The following FNIP1 variants were observed in gnomAD, a reference collection of about 807,000 sequenced individuals.
FNIP1 encodes the protein folliculin interacting protein 1.
In FNIP1, 40 loss-of-function variants were observed where a neutral mutation model predicts 124.5. That is an observed-to-expected ratio of 0.32 (90% CI 0.25 to 0.42). The LOEUF (loss-of-function observed/expected upper bound fraction) is 0.42. Among genes scored for constraint, FNIP1 ranks in the 10% least tolerant of loss-of-function variants. The probability of loss-of-function intolerance (pLI) is 1.00; values close to 1 mark genes in which losing one functional copy is unlikely to be tolerated. For synonymous variants in FNIP1, 472 were observed against 470.6 expected (o/e 1.00, Z -0.04); for missense variants, 1,176 against 1,403.7 (o/e 0.84, Z 2.59).
intron 10 of FNIP1, among the ~76,000 whole-genome samples, chr5:131,702,809 T>C (rs1379257160): frequency 6.6e-6 from 1 of 152,224 alleles, no homozygotes; most frequent in Non-Finnish European, 1.5e-5. Flanking sequence ...GTACTTGGCT[T>C]TCCCCAAAAG....
At chr5:131,699,454 C>A (rs910653394) in intron 10 of FNIP1, among the ~76,000 whole-genome samples, 2 of 146,374 alleles carry the variant, frequency 1.4e-5, no homozygotes, top group Non-Finnish European at 3.0e-5. Context: ...AGTGCAATGG[C>A]GCGATCTCGG....
chr5:131,661,795 G>T (rs1051039561), intron 15 of FNIP1, among the ~76,000 whole-genome samples: 1 of 152,224 alleles, frequency 6.6e-6, no homozygotes, highest in Non-Finnish European at 1.5e-5. Flanking sequence ...TTTCTTACCA[G>T]TGAGGCTTCT....
chr5:131,774,028 T>C (rs1305040541), intron 1 of FNIP1, among the ~76,000 whole-genome samples: 2 of 152,190 alleles, frequency 1.3e-5, no homozygotes, highest in Admixed American at 1.3e-4. Flanking sequence ...AGTCAATTGT[T>C]TAATTCCTTT....
intron 15 of FNIP1, among the ~76,000 whole-genome samples, chr5:131,655,171 A>G (rs577483077): frequency 2.6e-4 from 40 of 152,192 alleles, no homozygotes; most frequent in Non-Finnish European, 5.0e-4. Flanking sequence ...TAGCCTAGAA[A>G]TACGGAAAAT....
chr5:131,650,625 T>C (rs761424582), intron 16 of FNIP1, among the ~76,000 whole-genome samples: 1 of 152,210 alleles, frequency 6.6e-6, no homozygotes, highest in Non-Finnish European at 1.5e-5. Flanking sequence ...TCTTGCCTGA[T>C]TGCTCTGGCT....
chr5:131,735,043 A>G (rs1007537455), intron 2 of FNIP1, among the ~76,000 whole-genome samples: 6 of 152,228 alleles, frequency 3.9e-5, no homozygotes, highest in Non-Finnish European at 8.8e-5. Context: ...ACAATAGCAA[A>G]GACTTGGAAC....
chr5:131,772,523 C>T (rs998753708), intron 1 of FNIP1, among the ~76,000 whole-genome samples: 2 of 151,936 alleles, frequency 1.3e-5, no homozygotes, highest in Admixed American at 1.3e-4. Context: ...AAACTGTTAC[C>T]TGAATCTCAG....
rs1766785947 is a variant in FNIP1, at chr5:131,643,761, C to CT, written c.*923dup. On this transcript the variant is annotated 3_prime_UTR_variant, in exon 18 of 18. Coordinates refer to ENST00000510461, the MANE Select transcript of FNIP1 (RefSeq NM_133372.3). ...GAGGGTTGATACCAAAAGCAAGGGC[C>CT]TTGGCTACCTGAGCACTTTTAAAGA... 6.6e-6 allele frequency: 1 copy of CT among 152,596 alleles called. No individual in the cohort carries two copies. Among genetic ancestry groups the CT allele is most frequent in the African/African-American group, 2.4e-5 (1 of 41,414 alleles). 9.5% of individuals were successfully genotyped at this position (152,596 alleles called of 1,614,324 possible). A position where few individuals can be genotyped will look rare whatever the true frequency, so the allele number is the denominator to read the frequency against.
At chr5:131,741,982 A>T (rs1359825402) in intron 2 of FNIP1, among the ~76,000 whole-genome samples, 1 of 152,248 alleles carries the variant, frequency 6.6e-6, no homozygotes, top group Non-Finnish European at 1.5e-5. Context: ...ATTCAAGTCC[A>T]GCCTGGGCAA....
At chr5:131,782,777 A>G (rs1446703717) in intron 1 of FNIP1, among the ~76,000 whole-genome samples, 1 of 152,220 alleles carries the variant, frequency 6.6e-6, no homozygotes, top group Non-Finnish European at 1.5e-5. Context: ...CAACACTTCA[A>G]TGAAGGAAGT....
intron 2 of FNIP1, among the ~76,000 whole-genome samples, chr5:131,739,594 A>C (rs1770439293): frequency 6.6e-6 from 1 of 152,078 alleles, no homozygotes; most frequent in African/African-American, 2.4e-5. Context: ...TGGGTGGATC[A>C]CGAGGTCAGG....
intron 17 of FNIP1, 81 bp downstream of exon 17, chr5:131,647,009 A>C: frequency 8.0e-7 from 1 of 1,249,088 alleles, no homozygotes; most frequent in Non-Finnish European, 1.2e-6. Flanking sequence ...ACGTAAAAGG[A>C]AAAAGGGCAA....
chr5:131,751,875 T>C (rs547133295), intron 1 of FNIP1, among the ~76,000 whole-genome samples: 7 of 152,310 alleles, frequency 4.6e-5, no homozygotes, highest in African/African-American at 1.4e-4. Flanking sequence ...AATTAGACAG[T>C]GGTGATGGTC....
chr5:131,725,635 T>A (rs1769834494), intron 3 of FNIP1, among the ~76,000 whole-genome samples: 1 of 152,264 alleles, frequency 6.6e-6, no homozygotes, highest in Non-Finnish European at 1.5e-5. Context: ...AATCATGTCA[T>A]CTGCAAACAG....
rs1405605575 is a variant in FNIP1, at chr5:131,785,166, CT to C, written c.92+11663del. Among the ~76,000 whole-genome samples, 42 of 83,930 alleles carry C rather than the reference CT, an allele frequency of 5.0e-4. 1 individual carries two copies. In the South Asian group the frequency reaches 6.6e-3, roughly 13 times the overall value. The allele number at this position is 83,930 out of a possible 152,430, so 55.1% of individuals were successfully genotyped here. ...ATAGTCATATATATGATATATATGA[CT>C]ATATATATATCATATATATGATATA... On this transcript the variant is annotated intron_variant, in intron 1 of 17. Coordinates refer to ENST00000510461, the MANE Select transcript of FNIP1 (RefSeq NM_133372.3).
intron 1 of FNIP1, among the ~76,000 whole-genome samples, chr5:131,752,075 G>A (rs982275701): frequency 9.9e-5 from 15 of 152,060 alleles, no homozygotes; most frequent in African/African-American, 3.4e-4. Context: ...CAAGAGTTTC[G>A]CTCTGTTGCA....
At chr5:131,717,721 A>G (rs1387841883) in intron 5 of FNIP1, among the ~76,000 whole-genome samples, 1 of 152,184 alleles carries the variant, frequency 6.6e-6, no homozygotes, top group East Asian at 1.9e-4. Context: ...AGATTTTAGG[A>G]ATTATCAGAA....
intron 15 of FNIP1, among the ~76,000 whole-genome samples, chr5:131,668,602 T>C (rs12108819): frequency 0.019 from 2,831 of 152,244 alleles, 92 homozygotes; most frequent in African/African-American, 0.064. Flanking sequence ...AGAGAATCAC[T>C]TGAACCTGGG....
At chr5:131,747,681 G>A (rs991556149) in intron 1 of FNIP1, among the ~76,000 whole-genome samples, 2 of 152,110 alleles carry the variant, frequency 1.3e-5, no homozygotes, top group African/African-American at 4.8e-5. Flanking sequence ...ACAGTTCTAA[G>A]GAATAAAGAG....
Sources: allele counts gnomAD v4.1 joint callset (sites outside exome capture counted in the v4.1 genomes callset), GRCh38; gene constraint gnomAD v4.1.1; transcripts MANE v1.5; gene names NCBI Gene and HGNC (gene_info 2026-07-23, HGNC 2026-07-21).